NBPF3: variants seen among roughly 807,000 people sequenced by gnomAD.
NBPF3 encodes NBPF member 3.
A neutral mutation model predicts 78.1 loss-of-function variants in NBPF3; 57 were observed. The ratio of observed to expected loss-of-function variants is 0.73; its 90% CI spans 0.59 to 0.91. NBPF3 has a LOEUF of 0.91. NBPF3 is among the 40% of genes least tolerant of loss of function. The pLI, the probability that NBPF3 is intolerant of heterozygous loss-of-function variation, is 0.00. For synonymous variants in NBPF3, 182 were observed against 271.7 expected (o/e 0.67, Z 3.25); for missense variants, 510 against 715.3 (o/e 0.71, Z 3.27).
chr1:21,444,475 A>G lies in NBPF3; in HGVS notation c.-139-473A>G, dbSNP rs1640846383. Among the ~76,000 whole-genome samples, 3 of 152,210 alleles carry G rather than the reference A, an allele frequency of 2.0e-5. No homozygotes were observed. In the South Asian group the frequency reaches 6.2e-4, roughly 31 times the overall value. On this transcript the variant is annotated intron_variant, in intron 1 of 14. Transcript: ENST00000318249. ...ACCCACACTCTCTTAATTCCCTAACAAAAATAATGGAATTCTTGTTCACTA... is the reference window on the plus strand; with the variant it reads ...ACCCACACTCTCTTAATTCCCTAACGAAAATAATGGAATTCTTGTTCACTA...
intron 7 of NBPF3, among the ~76,000 whole-genome samples, chr1:21,473,876 G>A (rs1436994613): frequency 6.6e-6 from 1 of 152,164 alleles, no homozygotes; most frequent in Non-Finnish European, 1.5e-5. Context: ...AGTATCTCTT[G>A]TCACCTGTGA....
chr1:21,452,842 G>A (rs1223390726), intron 2 of NBPF3, among the ~76,000 whole-genome samples: 1 of 152,152 alleles, frequency 6.6e-6, no homozygotes, highest in African/African-American at 2.4e-5. Flanking sequence ...GGCTGTGCCA[G>A]CCCCAATGCC....
At chr1:21,448,078 T>C (rs1641093597) in intron 2 of NBPF3, among the ~76,000 whole-genome samples, 2 of 152,196 alleles carry the variant, frequency 1.3e-5, no homozygotes, top group African/African-American at 4.8e-5. Flanking sequence ...TGCCAGTCTG[T>C]GACTTGCTTT....
chr1:21,478,534 C>A (rs1643008511), intron 9 of NBPF3, among the ~76,000 whole-genome samples: 1 of 152,250 alleles, frequency 6.6e-6, no homozygotes, highest in South Asian at 2.1e-4. Context: ...CCTGTGCCAC[C>A]CTGGACTGAC....
chr1:21,458,784 C>T (rs1177044132), intron 2 of NBPF3, among the ~76,000 whole-genome samples: 2 of 152,152 alleles, frequency 1.3e-5, no homozygotes, highest in African/African-American at 4.8e-5. Flanking sequence ...CAAAGGGGTA[C>T]AAGAAACTTT....
intron 2 of NBPF3, chr1:21,466,945 G>A (rs768218962): frequency 2.1e-6 from 2 of 967,356 alleles, no homozygotes; most frequent in Non-Finnish European, 2.5e-6. Flanking sequence ...TGAATTATAT[G>A]GATCCTATGA....
intron 6 of NBPF3, 25 bp downstream of exon 6, chr1:21,472,940 G>A (rs775350451): frequency 2.6e-6 from 4 of 1,527,016 alleles, no homozygotes; most frequent in Non-Finnish European, 3.6e-6. Flanking sequence ...TCGGGAGCAA[G>A]TAATGGGTGG....
At chr1:21,451,189 G>A (rs1641289792) in intron 2 of NBPF3, among the ~76,000 whole-genome samples, 1 of 152,166 alleles carries the variant, frequency 6.6e-6, no homozygotes, top group African/African-American at 2.4e-5. Flanking sequence ...GCCATTCCAT[G>A]GAATGAATGT....
Position 21,479,337 on chromosome 1 carries a change from A to T in NBPF3, c.1157-12A>T. The stretch of plus-strand genomic sequence containing the variant: ...GCTTCATGTAAGAGGCCCTGTCTGA[A>T]TTTATTTGCAGGACATTGGTGTGAT... On this transcript the variant is annotated splice_polypyrimidine_tract_variant and intron_variant, in intron 9 of 14. Coordinates refer to ENST00000318249, the MANE Select transcript of NBPF3 (RefSeq NM_032264.6). 1 of 1,610,304 alleles carries T rather than the reference A, an allele frequency of 6.2e-7. No homozygotes were observed. The highest frequency in any genetic ancestry group is 1.1e-5 in the South Asian group (1 of 91,060).
intron 2 of NBPF3, among the ~76,000 whole-genome samples, chr1:21,455,124 C>CTT (rs1241226834): frequency 6.6e-5 from 10 of 152,194 alleles, no homozygotes; most frequent in South Asian, 2.1e-4. Flanking sequence ...AGGAGGATCG[C>CTT]CCTGCATGGA....
chr1:21,475,316 G>T (rs554341421), intron 8 of NBPF3, among the ~76,000 whole-genome samples: 96 of 152,246 alleles, frequency 6.3e-4, no homozygotes, highest in African/African-American at 2.3e-3. Context: ...TTTTGAATTT[G>T]TTTGCTCTTG....
intron 2 of NBPF3, among the ~76,000 whole-genome samples, chr1:21,466,691 C>T (rs1259653181): frequency 1.3e-5 from 2 of 152,238 alleles, no homozygotes; most frequent in Non-Finnish European, 2.9e-5. Context: ...AATGTATACT[C>T]TTCCTATGAC....
chr1:21,460,857 A>G lies in NBPF3; in HGVS notation c.134-7831A>G, dbSNP rs1641911251. 6.6e-6 allele frequency among the ~76,000 whole-genome samples: 1 copy of G among 152,230 alleles called. No individual in the cohort carries two copies. Among genetic ancestry groups the G allele is most frequent in the African/African-American group, 2.4e-5 (1 of 41,462 alleles). ...AGCAAATAATTATTTGCTATATAATATAGCAAAAAATGTGTATATATAAAT... is the reference window on the plus strand; with the variant it reads ...AGCAAATAATTATTTGCTATATAATGTAGCAAAAAATGTGTATATATAAAT... On this transcript the variant is annotated intron_variant, in intron 2 of 14. Transcript: ENST00000318249. This position sits in a 1 kb window ranked among gnomAD's most constrained non-coding sequence, Gnocchi z 4.2.
chr1:21,480,778 C>T, intron 11 of NBPF3, 152 bp from the exon 12 acceptor site: 1 of 627,640 alleles, frequency 1.6e-6, no homozygotes, highest in Non-Finnish European at 2.9e-6. Context: ...TCTATCATGA[C>T]CAGCTTTGAG....
chr1:21,472,991 A>G (rs1190027979), intron 6 of NBPF3, 76 bp downstream of exon 6: 6 of 1,146,342 alleles, frequency 5.2e-6, no homozygotes, highest in African/African-American at 4.6e-5. Flanking sequence ...CCTCTCTGGC[A>G]TCTATGATGG....
chr1:21,481,191 G>A (rs556735264), intron 12 of NBPF3, among the ~76,000 whole-genome samples: 6 of 150,278 alleles, frequency 4.0e-5, no homozygotes, highest in Middle Eastern at 3.4e-3. Context: ...ACTGTAGGTC[G>A]ACCATACTTC....
At chr1:21,458,794 T>C (rs6666997) in intron 2 of NBPF3, among the ~76,000 whole-genome samples, 99,941 of 152,076 alleles carry the variant, frequency 0.66, 34,461 homozygotes, top group South Asian at 0.87. Flanking sequence ...CAAGAAACTT[T>C]GGGGCGTAGG....
intron 10 of NBPF3, among the ~76,000 whole-genome samples, chr1:21,479,826 G>C (rs145682138): frequency 1.1e-4 from 14 of 131,250 alleles, no homozygotes; most frequent in African/African-American, 2.6e-4. Flanking sequence ...CTCTCTGTGT[G>C]TGTGTGTGTG....
chr1:21,468,916 C>G lies in NBPF3; in HGVS notation c.343+19C>G, dbSNP rs371387250. On this transcript the variant is annotated intron_variant, in intron 3 of 14. Transcript: ENST00000318249. Reference sequence around the variant, plus strand: ...AATTACGGTAAGTTCTATAGGCTCACCATCACAAAAGCGATGAATGATGTC... The same window carrying G: ...AATTACGGTAAGTTCTATAGGCTCAGCATCACAAAAGCGATGAATGATGTC... 8 of 1,571,260 alleles carry G rather than the reference C, an allele frequency of 5.1e-6. No homozygotes were observed. The highest frequency in any genetic ancestry group is 1.4e-5 in the African/African-American group (1 of 73,006).
Sources: allele counts gnomAD v4.1 joint callset (sites outside exome capture counted in the v4.1 genomes callset), GRCh38; gene constraint gnomAD v4.1.1; non-coding constraint Gnocchi (gnomAD v3.1); transcripts MANE v1.5; gene names NCBI Gene and HGNC (gene_info 2026-07-23, HGNC 2026-07-21).